The following DNAJC2 variants were observed in gnomAD, a reference collection of about 807,000 sequenced individuals.
DNAJC2 encodes the protein dnaJ homolog subfamily C member 2.
Under a neutral mutation model 94.0 loss-of-function variants are expected in DNAJC2, and 32 were observed. That is an observed-to-expected ratio of 0.34 (90% CI 0.26 to 0.46). The LOEUF (loss-of-function observed/expected upper bound fraction) is 0.46. Among genes scored for constraint, DNAJC2 ranks in the 20% least tolerant of loss-of-function variants. The pLI is 1.00. For synonymous variants in DNAJC2, 210 were observed against 229.7 expected (o/e 0.91, Z 0.77); for missense variants, 550 against 719.5 (o/e 0.76, Z 2.69).
At chr7:103,313,724 G>A in intron 15 of DNAJC2, 1 of 985,144 alleles carries the variant, frequency 1.0e-6, no homozygotes, top group Non-Finnish European at 1.2e-6. Flanking sequence ...TGCTATTGTG[G>A]TTCTTCAACT....
intron 13 of DNAJC2, 121 bp downstream of exon 13, chr7:103,316,709 G>A (rs3948710): frequency 0.87 from 717,878 of 826,744 alleles, 313,319 homozygotes; most frequent in African/African-American, 0.92. Context: ...ACACTTTTCT[G>A]CTGTGGCACA....
chr7:103,315,724 C>A (rs748290681), intron 15 of DNAJC2, 40 bp downstream of exon 15: 2 of 1,367,494 alleles, frequency 1.5e-6, no homozygotes, highest in African/African-American at 1.4e-5. Context: ...AGCACAGATA[C>A]ATGGCTAGCA....
At chr7:103,329,097 GT>G (rs1307127014) in intron 3 of DNAJC2, 1 of 727,344 alleles carries the variant, frequency 1.4e-6, no homozygotes, top group African/African-American at 1.9e-5. Context: ...CAATTTTTTT[GT>G]TTTTCATCCT....
chr7:103,323,436 T>A (rs1397705070), intron 7 of DNAJC2, among the ~76,000 whole-genome samples, 162 bp downstream of exon 7: 1 of 152,216 alleles, frequency 6.6e-6, no homozygotes, highest in Non-Finnish European at 1.5e-5. Flanking sequence ...TGGGCCCACC[T>A]AGTTTAACTT....
chr7:103,340,644 C>G (rs1364345702), intron 2 of DNAJC2, among the ~76,000 whole-genome samples: 2 of 152,180 alleles, frequency 1.3e-5, no homozygotes, highest in African/African-American at 4.8e-5. Context: ...ATGGCAGAAC[C>G]AGATTTGAAT....
At chr7:103,333,263 GA>G (rs1228332979) in intron 3 of DNAJC2, among the ~76,000 whole-genome samples, 1 of 152,094 alleles carries the variant, frequency 6.6e-6, no homozygotes, top group African/African-American at 2.4e-5. Flanking sequence ...CCTCTGAATT[GA>G]ATTTCCACCT....
chr7:103,312,323 G>C lies in DNAJC2; in HGVS notation c.*246C>G. 1 of 1,597,380 alleles carries C rather than the reference G, an allele frequency of 6.3e-7. No individual in the cohort carries two copies. Among genetic ancestry groups the C allele is most frequent in the African/African-American group, 1.3e-5 (1 of 74,496 alleles). On this transcript the variant is annotated 3_prime_UTR_variant, in exon 17 of 17. Coordinates refer to ENST00000379263, the MANE Select transcript of DNAJC2 (RefSeq NM_014377.3). Reference sequence around the variant, plus strand: ...CACATGTATTTATAAAACAGAGCTAGAGAAAAATAAAAATGAACATGTATA... The same window carrying C: ...CACATGTATTTATAAAACAGAGCTACAGAAAAATAAAAATGAACATGTATA...
In DNAJC2 at chr7:103,319,696, AGAAAT is replaced by A. The variant is rs1373748284; in HGVS notation, c.1173-23_1173-19del. ...ACTGTAAGCTAAAGAAAAAAAAAGA[AGAAAT>A]GAAACTTTATCCTAAGCTCAAGTGA... On this transcript the variant is annotated intron_variant, in intron 11 of 16. Transcript: ENST00000379263. The A allele has an allele frequency of 1.9e-6, 3 of 1,613,944 alleles. No homozygotes were observed. The highest frequency in any genetic ancestry group is 2.5e-6 in the Non-Finnish European group (3 of 1,180,008).
Position 103,324,466 on chromosome 7 carries a change from C to G in DNAJC2, c.653+16G>C. On this transcript the variant is annotated intron_variant, in intron 6 of 16. Coordinates refer to ENST00000379263, the MANE Select transcript of DNAJC2 (RefSeq NM_014377.3). ...TTAAAAAATGACAGCATCATACAAA[C>G]AGTATATTCACTTACCAGAAAGAAT... is the stretch of plus-strand genomic sequence containing the variant. 1.4e-6 allele frequency: 2 copies of G among 1,466,072 alleles called. No homozygotes were observed. The highest frequency in any genetic ancestry group is 1.3e-5 in the South Asian group (1 of 76,612). The allele number at this position is 1,466,072 out of a possible 1,614,324, so 90.8% of individuals were successfully genotyped here.
chr7:103,313,657 T>G (rs374632521), intron 15 of DNAJC2: 10 of 985,338 alleles, frequency 1.0e-5, no homozygotes, highest in African/African-American at 1.7e-5. Flanking sequence ...TAGTGTGGTG[T>G]TCTCTTCGTC....
At chr7:103,342,476 T>G (rs950636415) in intron 1 of DNAJC2, among the ~76,000 whole-genome samples, 1 of 151,858 alleles carries the variant, frequency 6.6e-6, no homozygotes, top group Non-Finnish European at 1.5e-5. Flanking sequence ...CAGCTAATTT[T>G]GTATTTTTAG....
intron 15 of DNAJC2, chr7:103,314,734 T>G (rs954415682): frequency 1.7e-5 from 13 of 760,214 alleles, no homozygotes; most frequent in Non-Finnish European, 2.1e-5. Flanking sequence ...CTCCCCTATA[T>G]TAACACTGTA....
At chr7:103,337,577 G>T in intron 3 of DNAJC2, 159 bp downstream of exon 3, 1 of 579,792 alleles carries the variant, frequency 1.7e-6, no homozygotes, top group African/African-American at 1.9e-5. Context: ...GATTCTGAAG[G>T]CAGGGGAGAC....
intron 3 of DNAJC2, 30 bp downstream of exon 3, chr7:103,337,706 T>C (rs772791278): frequency 7.1e-6 from 11 of 1,552,406 alleles, no homozygotes; most frequent in African/African-American, 6.8e-5. Flanking sequence ...TACAAGATAT[T>C]TGATTATTTC....
chr7:103,320,180 C>T (rs918153386), intron 10 of DNAJC2, among the ~76,000 whole-genome samples: 81 of 152,214 alleles, frequency 5.3e-4, no homozygotes, highest in Non-Finnish European at 9.9e-4. Flanking sequence ...CCTCCACCTC[C>T]CGGGTTCAAG....
Position 103,312,362 on chromosome 7 carries a change from T to G in DNAJC2, c.*207A>C, listed in dbSNP as rs180820947. 18 of 1,562,002 alleles carry G rather than the reference T, an allele frequency of 1.2e-5. No homozygotes were observed. The Admixed American group carries it at 1.3e-4, about 11-fold the overall frequency. On this transcript the variant is annotated 3_prime_UTR_variant, in exon 17 of 17. Coordinates refer to ENST00000379263, the MANE Select transcript of DNAJC2 (RefSeq NM_014377.3). Reference sequence around the variant, plus strand: ...TGAACATGTATATACATTTGGAAATTTGAATTAAATACTGTATCATACTTT... The same window carrying G: ...TGAACATGTATATACATTTGGAAATGTGAATTAAATACTGTATCATACTTT...
intron 13 of DNAJC2, chr7:103,316,380 A>G (rs1818056479): frequency 8.2e-6 from 2 of 243,548 alleles, no homozygotes; most frequent in African/African-American, 2.2e-5. Flanking sequence ...AGTTTAATAC[A>G]TTTCTTCAGA....
At chr7:103,338,111 T>A (rs1268408331) in intron 2 of DNAJC2, among the ~76,000 whole-genome samples, 4 of 151,654 alleles carry the variant, frequency 2.6e-5, no homozygotes, top group African/African-American at 4.9e-5. Flanking sequence ...TACAAAAAAA[T>A]TTTTAAAAAT....
At position 103,312,409 on chromosome 7, in the gene DNAJC2, C is replaced by G; in HGVS notation, c.*160G>C. 1 of 1,508,904 alleles carries G rather than the reference C, an allele frequency of 6.6e-7. No individual in the cohort carries two copies. Among genetic ancestry groups the G allele is most frequent in the Non-Finnish European group, 8.8e-7 (1 of 1,138,302 alleles). The allele number at this position is 1,508,904 out of a possible 1,614,324, so 93.5% of individuals were successfully genotyped here. On this transcript the variant is annotated 3_prime_UTR_variant, in exon 17 of 17. Transcript: ENST00000379263. ...CTTTCAAAGGATAAAAAGACTACCC[C>G]TCTGAAGGTTGTTTTGTATTAATGG...
Sources: gnomAD v4.1 joint callset for allele counts (sites outside exome capture counted in the v4.1 genomes callset) on GRCh38, gnomAD v4.1.1 for gene constraint, MANE v1.5 for transcripts, NCBI Gene and HGNC (gene_info 2026-07-23, HGNC 2026-07-21) for gene names.